SULF2: variants seen among roughly 807,000 people sequenced by gnomAD.
The protein encoded by SULF2 is sulfatase 2, also known as extracellular sulfatase Sulf-2.
SULF2 carries 52 observed loss-of-function variants against 107.7 expected under a neutral mutation model. The observed-to-expected ratio is 0.48, with a 90% CI of 0.39 to 0.61. The LOEUF is 0.61. Ranked by LOEUF, SULF2 falls within the 20% of genes least tolerant of loss-of-function variation. The pLI, the probability that SULF2 is intolerant of heterozygous loss-of-function variation, is 0.00. For missense variants in SULF2, 993 were observed against 1,177.3 expected, an observed-to-expected ratio of 0.84 and a Z score of 2.29; for synonymous variants, 460 against 464.3, an observed-to-expected ratio of 0.99 and a Z score of 0.12.
At chr20:47,774,916 G>T (rs533528842) in intron 1 of SULF2, among the ~76,000 whole-genome samples, 1 of 152,278 alleles carries the variant, frequency 6.6e-6, no homozygotes, top group East Asian at 1.9e-4. Flanking sequence ...GTCGCATTGG[G>T]ATGGAAACTC....
chr20:47,658,466 A>G, intron 20 of SULF2, 74 bp from the exon 21 acceptor site: 1 of 1,464,570 alleles, frequency 6.8e-7, no homozygotes, highest in Non-Finnish European at 9.6e-7. Flanking sequence ...TCGGTCCTAT[A>G]GCTGAGGAAG....
At position 47,676,636 on chromosome 20, in the gene SULF2, G is replaced by C. The variant is rs371761597; in HGVS notation, c.1251-13C>G. 6.5e-7 allele frequency: 1 copy of C among 1,549,074 alleles called. No individual in the cohort carries two copies. The highest frequency in any genetic ancestry group is 1.4e-5 in the African/African-American group (1 of 73,082). ...GTGTAGCAGCTTGCTATGGGGCAGA[G>C]AGCAGGAGCCGCGGGGCCGGCCTCT... On this transcript the variant is annotated splice_polypyrimidine_tract_variant and intron_variant, in intron 9 of 20. Transcript: ENST00000688720.
At chr20:47,663,930 G>C (rs535287650) in intron 15 of SULF2, among the ~76,000 whole-genome samples, 200 bp downstream of exon 15, 5 of 152,302 alleles carry the variant, frequency 3.3e-5, no homozygotes, top group Admixed American at 2.0e-4. Flanking sequence ...TGGAGTTGCG[G>C]TAACCCCATT....
intron 3 of SULF2, among the ~76,000 whole-genome samples, chr20:47,711,166 C>G (rs1255032496): frequency 6.6e-6 from 1 of 152,226 alleles, no homozygotes; most frequent in Non-Finnish European, 1.5e-5. Context: ...CATGTCCCCG[C>G]CATGCCGGGC....
chr20:47,696,582 C>T (rs538607159), intron 4 of SULF2, among the ~76,000 whole-genome samples: 1 of 152,300 alleles, frequency 6.6e-6, no homozygotes. Context: ...AATGAGCATT[C>T]CTGCCTTCAT....
chr20:47,770,454 G>A (rs1210888834), intron 1 of SULF2, among the ~76,000 whole-genome samples: 2 of 152,152 alleles, frequency 1.3e-5, no homozygotes, highest in African/African-American at 4.8e-5. Context: ...GAGATGACTA[G>A]GTGGGAGCAA....
intron 3 of SULF2, among the ~76,000 whole-genome samples, chr20:47,720,618 A>T (rs1460414158): frequency 6.6e-6 from 1 of 151,924 alleles, no homozygotes; most frequent in Non-Finnish European, 1.5e-5. Context: ...GATTTTAAAA[A>T]GCATCTTGTA....
At chr20:47,704,681 G>A (rs966045416) in intron 3 of SULF2, among the ~76,000 whole-genome samples, 5 of 152,238 alleles carry the variant, frequency 3.3e-5, no homozygotes, top group African/African-American at 1.2e-4. Flanking sequence ...TCTAGATGAG[G>A]ACACTGCGGT....
At chr20:47,780,450 T>G (rs1600701331) in intron 1 of SULF2, among the ~76,000 whole-genome samples, 3 of 152,298 alleles carry the variant, frequency 2.0e-5, no homozygotes, top group African/African-American at 7.2e-5. Flanking sequence ...GGCGGACTCC[T>G]TCCTAAAATC....
In SULF2 at chr20:47,672,205, G is replaced by A. The variant is rs373298444; in HGVS notation, c.1569C>T (p.Phe523=). 19 of 1,607,136 alleles carry A rather than the reference G, an allele frequency of 1.2e-5. No homozygotes were observed. The highest frequency in any genetic ancestry group is 1.3e-5 in the Non-Finnish European group (15 of 1,175,024). ...LSLAGRRKKL[F]KKKYKASYVR... ...CCAGGTTGTGACACTTACTCTTCTT[G>A]AAGAGTTTTTTCCGGCGTCCGGCCA... is the stretch of plus-strand genomic sequence containing the variant. The change falls in exon 11 of 21, where the codon TTC becomes TTT. Residue 523 remains phenylalanine (F), a synonymous_variant. Coordinates refer to ENST00000688720, the MANE Select transcript of SULF2 (RefSeq NM_001387048.1).
chr20:47,664,969 G>A (rs972028393), intron 14 of SULF2, among the ~76,000 whole-genome samples: 5 of 152,200 alleles, frequency 3.3e-5, no homozygotes, highest in African/African-American at 9.6e-5. Flanking sequence ...CAGCCAGCAC[G>A]GGTCTCTTGC....
chr20:47,696,295 G>C (rs1268123007), intron 4 of SULF2, among the ~76,000 whole-genome samples: 2 of 152,168 alleles, frequency 1.3e-5, no homozygotes, highest in Non-Finnish European at 2.9e-5. Flanking sequence ...ATGTCTAAAT[G>C]AGTGTTAGTC....
intron 1 of SULF2, among the ~76,000 whole-genome samples, chr20:47,765,361 C>CAAAA (rs2090507712): frequency 1.2e-5 from 1 of 81,640 alleles, no homozygotes; most frequent in African/African-American, 5.4e-5. Flanking sequence ...TAAAAAAAAA[C>CAAAA]AAAACAAAAC....
chr20:47,677,030 G>C (rs1219810366), intron 9 of SULF2, 48 bp downstream of exon 9: 1 of 1,597,454 alleles, frequency 6.3e-7, no homozygotes. Context: ...TTCCTGGGCA[G>C]AGGGAGGGAG....
intron 7 of SULF2, among the ~76,000 whole-genome samples, chr20:47,679,910 T>G (rs2146488968): frequency 6.8e-6 from 1 of 146,230 alleles, no homozygotes; most frequent in African/African-American, 2.5e-5. Flanking sequence ...TCCTGAAGAC[T>G]TATCACCATC....
chr20:47,672,315 T>C lies in SULF2; in HGVS notation c.1459A>G (p.Arg487Gly). The C allele has an allele frequency of 6.2e-7, 1 of 1,613,366 alleles. No individual in the cohort carries two copies. The highest frequency in any genetic ancestry group is 8.5e-7 in the Non-Finnish European group (1 of 1,179,986). ...TTGGGCACGAGGTTGGAGAGGGCTC[T>C]GCTGCCGCCCAGCCGCATGGGGCCC... ...CKGPMRLGGS[R>G]ALSNLVPKYY... is the part of the protein sequence containing the mutation. Residue 487 changes from arginine (R) to glycine (G), a missense_variant, in exon 11 of 21, where the codon AGA becomes GGA. Coordinates refer to ENST00000688720, the MANE Select transcript of SULF2 (RefSeq NM_001387048.1).
At chr20:47,663,288 G>C in intron 16 of SULF2, 76 bp from the exon 17 acceptor site, 3 of 1,599,600 alleles carry the variant, frequency 1.9e-6, no homozygotes, top group Non-Finnish European at 2.6e-6. Flanking sequence ...TCCTGTCAGG[G>C]ACAGCCCCTA....
chr20:47,713,695 A>G (rs1019040302), intron 3 of SULF2, among the ~76,000 whole-genome samples: 10 of 151,792 alleles, frequency 6.6e-5, no homozygotes, highest in Non-Finnish European at 5.9e-5. Flanking sequence ...GTCTGCAGTG[A>G]GCCATGATTG....
intron 1 of SULF2, among the ~76,000 whole-genome samples, chr20:47,759,024 C>T (rs1360275748): frequency 6.6e-6 from 1 of 152,176 alleles, no homozygotes; most frequent in African/African-American, 2.4e-5. Flanking sequence ...CTTCCCTGCC[C>T]CCATCCTCCA....
Sources: allele counts gnomAD v4.1 joint callset (sites outside exome capture counted in the v4.1 genomes callset), GRCh38; gene constraint gnomAD v4.1.1; transcripts MANE v1.5; gene names NCBI Gene and HGNC (gene_info 2026-07-23, HGNC 2026-07-21).